The following WASHC5 variants were observed in gnomAD, a reference collection of about 807,000 sequenced individuals.
The protein encoded by WASHC5 is WASH complex subunit 5, also known as WASH complex subunit strumpellin.
Under a neutral mutation model 150.4 loss-of-function variants are expected in WASHC5, and 101 were observed. The observed-to-expected ratio is 0.67, with a 90% CI of 0.57 to 0.79. The LOEUF is 0.79. WASHC5 is among the 30% of genes least tolerant of loss of function. WASHC5 has a pLI of 0.00. For synonymous variants in WASHC5, 467 were observed against 491.2 expected (o/e 0.95, Z 0.65); for missense variants, 1,195 against 1,396.3 (o/e 0.86, Z 2.30).
intron 25 of WASHC5, 48 bp downstream of exon 25, chr8:125,038,782 T>C: frequency 6.2e-7 from 1 of 1,609,856 alleles, no homozygotes; most frequent in South Asian, 1.1e-5. Flanking sequence ...CTGGGCCAAA[T>C]ACCATTCTGT....
Position 125,039,799 on chromosome 8 carries a change from T to G in WASHC5, c.2950A>C (p.Asn984His). ...KHLAAALENLNKALLADIEAH... is the reference protein window; with the variant it reads ...KHLAAALENLHKALLADIEAH... ...GTTTCAAACCCTGGCACTTACTTAT[T>G]GAGATTCTCCAGAGCAGCTGCCAGA... The change falls in exon 24 of 29, where the codon AAT becomes CAT. Residue 984 changes from asparagine (N) to histidine (H), a missense_variant. By Grantham distance (68) the Asn-to-His change is moderately conservative (BLOSUM62 1). Transcript: ENST00000318410. 1.9e-6 allele frequency: 3 copies of G among 1,608,192 alleles called. No individual in the cohort carries two copies. The highest frequency in any genetic ancestry group is 2.6e-6 in the Non-Finnish European group (3 of 1,174,610).
chr8:125,057,707 A>G lies in WASHC5; in HGVS notation c.1765-41T>C, dbSNP rs577833398. On this transcript the variant is annotated intron_variant, in intron 14 of 28. Coordinates refer to ENST00000318410, the MANE Select transcript of WASHC5 (RefSeq NM_014846.4). ...GGTATATCTGTTTCTTGTTTCAAAAAGAGTCCTAGAAATCTTTCTTTCCAG... is the reference window on the plus strand; with the variant it reads ...GGTATATCTGTTTCTTGTTTCAAAAGGAGTCCTAGAAATCTTTCTTTCCAG... 7 of 1,259,746 alleles carry G rather than the reference A, an allele frequency of 5.6e-6. No homozygotes were observed. The African/African-American group carries it at 7.3e-5, about 13-fold the overall frequency. The allele number at this position is 1,259,746 out of a possible 1,614,324, so 78.0% of individuals were successfully genotyped here. A position where few individuals can be genotyped will look rare whatever the true frequency, so the allele number is the denominator to read the frequency against.
chr8:125,031,901 G>A (rs1384990168), intron 27 of WASHC5, among the ~76,000 whole-genome samples: 3 of 152,166 alleles, frequency 2.0e-5, no homozygotes, highest in Non-Finnish European at 4.4e-5. Context: ...CAGTGGCCCA[G>A]CAGGAGTGCA....
Position 125,059,530 on chromosome 8 carries a change from G to T in WASHC5, c.1534C>A (p.His512Asn), listed in dbSNP as rs779990908. 8 of 1,613,304 alleles carry T rather than the reference G, an allele frequency of 5.0e-6. No individual in the cohort carries two copies. The highest frequency in any genetic ancestry group is 6.8e-6 in the Non-Finnish European group (8 of 1,179,586). Reference protein sequence around the residue: ...IQALEEVQEFHQLESNLQVCQ... With the variant: ...IQALEEVQEFNQLESNLQVCQ... ...ACTTGCAGATTGGATTCCAACTGGT[G>T]GAATTCTTGAACCTGTGTTACAGAA... The change falls in exon 13 of 29, where the codon CAC becomes AAC. Residue 512 changes from histidine to asparagine, a missense_variant. His to Asn is a moderately conservative substitution (Grantham distance 68, BLOSUM62 1). This residue lies in a region of WASHC5 where 997 missense variants were observed against 1,168.1 expected (regional missense o/e 0.85). Transcript: ENST00000318410.
rs552051488 is a variant in WASHC5 at position 125,084,521 on chromosome 8, A to C, written c.-124-499T>G. 2.6e-5 allele frequency among the ~76,000 whole-genome samples: 4 copies of C among 152,326 alleles called. No individual in the cohort carries two copies. In the South Asian group the frequency reaches 8.3e-4, roughly 32 times the overall value. ...AATTACAGATGCTAGGTTCTGCAAAATTCTGTGAAGATGATTTATAAATAC... is the reference window on the plus strand; with the variant it reads ...AATTACAGATGCTAGGTTCTGCAAACTTCTGTGAAGATGATTTATAAATAC... On this transcript the variant is annotated intron_variant, in intron 1 of 28. Transcript: ENST00000318410.
intron 6 of WASHC5, among the ~76,000 whole-genome samples, chr8:125,077,324 C>T (rs1415330825): frequency 1.3e-5 from 2 of 152,238 alleles, no homozygotes; most frequent in Non-Finnish European, 2.9e-5. Context: ...CCTTTTCTCT[C>T]CCTCCAGGCT....
intron 28 of WASHC5, among the ~76,000 whole-genome samples, chr8:125,028,416 G>A (rs986692064): frequency 1.1e-4 from 17 of 152,178 alleles, no homozygotes; most frequent in African/African-American, 3.4e-4. Context: ...AGAGGCGGGA[G>A]GGGCATTGTG....
intron 12 of WASHC5, among the ~76,000 whole-genome samples, chr8:125,060,656 T>C (rs1816568210): frequency 6.6e-6 from 1 of 152,148 alleles, no homozygotes; most frequent in African/African-American, 2.4e-5. Context: ...AAAGAAAATA[T>C]ATCACTTATA....
At chr8:125,045,911 G>C (rs565902001) in intron 20 of WASHC5, among the ~76,000 whole-genome samples, 2 of 152,168 alleles carry the variant, frequency 1.3e-5, no homozygotes, top group Non-Finnish European at 2.9e-5. Flanking sequence ...AAAAGGCTTC[G>C]GTGATTGAAG....
At chr8:125,047,456 T>C (rs74846901) in intron 19 of WASHC5, 125 bp from the exon 20 acceptor site, 1 of 926,446 alleles carries the variant, frequency 1.1e-6, no homozygotes. Context: ...TTTTTTTTTT[T>C]AGATGGAGTC....
intron 1 of WASHC5, among the ~76,000 whole-genome samples, chr8:125,087,253 T>C (rs1817446790): frequency 6.6e-6 from 1 of 152,352 alleles, no homozygotes; most frequent in Non-Finnish European, 1.5e-5. Flanking sequence ...TAGCTATTTC[T>C]GTATTGTACT....
intron 5 of WASHC5, among the ~76,000 whole-genome samples, chr8:125,079,514 T>C (rs147037587): frequency 6.0e-4 from 91 of 152,216 alleles, no homozygotes; most frequent in African/African-American, 2.1e-3. Context: ...TTTGAAAGCC[T>C]GTTTAGAAGA....
chr8:125,048,926 A>AC, intron 19 of WASHC5, 80 bp downstream of exon 19: 1 of 1,168,688 alleles, frequency 8.6e-7, no homozygotes, highest in Non-Finnish European at 1.2e-6. Flanking sequence ...TTTCTTGTTG[A>AC]CATTTCTGAG....
rs924942482 is a variant in WASHC5 at position 125,034,802 on chromosome 8, A to G, written c.3182-2408T>C. Among the ~76,000 whole-genome samples the G allele has an allele frequency of 9.9e-5, 15 of 152,222 alleles. 1 individual carries two copies. The East Asian group carries it at 2.7e-3, about 27-fold the overall frequency. On this transcript the variant is annotated intron_variant, in intron 26 of 28. Coordinates refer to ENST00000318410, the MANE Select transcript of WASHC5 (RefSeq NM_014846.4). ...TGGAGGAAGAATCCTAACAGGACTC[A>G]GTATGGAGAAATAATCCTTTCCAGG...
At chr8:125,066,153 G>T (rs1286779977) in intron 10 of WASHC5, among the ~76,000 whole-genome samples, 1 of 152,090 alleles carries the variant, frequency 6.6e-6, no homozygotes, top group Admixed American at 6.5e-5. Context: ...GCTATTCAGA[G>T]GGAAACCATT....
At position 125,059,543 on chromosome 8, in the gene WASHC5, C is replaced by T; in HGVS notation, c.1522-1G>A. ...ATTCCAACTGGTGGAATTCTTGAAC[C>T]TGTGTTACAGAAATATACTTAATTT... On this transcript the variant is annotated splice_acceptor_variant, in intron 12 of 28. Transcript: ENST00000318410. LOFTEE classifies it high-confidence loss of function. 6.2e-7 allele frequency: 1 copy of T among 1,611,518 alleles called. No individual in the cohort carries two copies. Among genetic ancestry groups the T allele is most frequent in the Non-Finnish European group, 8.5e-7 (1 of 1,178,044 alleles).
Position 125,025,833 on chromosome 8 carries a change from G to GACACACACACACACACACACACACACAC in WASHC5, c.3424-1161_3424-1160insGTGTGTGTGTGTGTGTGTGTGTGTGTGT, listed in dbSNP as rs34050035. ...TCCAGTTTACTTACATATGCAGACAGACACACACACACACACACACACACA... is the reference window on the plus strand; with the variant it reads ...TCCAGTTTACTTACATATGCAGACAGACACACACACACACACACACACACACACACACACACACACACACACACACACA... On this transcript the variant is annotated intron_variant, in intron 28 of 28. Coordinates refer to ENST00000318410, the MANE Select transcript of WASHC5 (RefSeq NM_014846.4). Among the ~76,000 whole-genome samples, 740 of 148,086 alleles carry GACACACACACACACACACACACACACAC rather than the reference G, an allele frequency of 5.0e-3. 6 individuals are homozygous for GACACACACACACACACACACACACACAC. Among genetic ancestry groups the GACACACACACACACACACACACACACAC allele is most frequent in the African/African-American group, 0.017 (688 of 39,910 alleles).
intron 27 of WASHC5, 45 bp from the exon 28 acceptor site, chr8:125,028,752 A>C: frequency 7.5e-7 from 1 of 1,336,920 alleles, no homozygotes; most frequent in Non-Finnish European, 1.1e-6. Context: ...TTTGCACATC[A>C]TAAGCCCTTT....
In WASHC5 at chr8:125,039,099, A is replaced by G. The variant is rs1176300403; in HGVS notation, c.2955-140T>C. On this transcript the variant is annotated intron_variant, in intron 24 of 28. Transcript: ENST00000318410. ...GAGAGCTTGATCTCGCTAATTCTCA[A>G]CCATGCCTGTGATTGGTTTTAAGTG... The G allele has an allele frequency of 6.3e-6, 6 of 951,378 alleles. No homozygotes were observed. In the African/African-American group the frequency reaches 6.5e-5, roughly 10 times the overall value. 58.9% of individuals were successfully genotyped at this position (951,378 alleles called of 1,614,324 possible).
Sources: gnomAD v4.1 joint callset for allele counts (sites outside exome capture counted in the v4.1 genomes callset) on GRCh38, gnomAD v4.1.1 for gene constraint, gnomAD v4.1.1 regional missense constraint, MANE v1.5 for transcripts, NCBI Gene and HGNC (gene_info 2026-07-23, HGNC 2026-07-21) for gene names.